PAPPA2: variants seen among roughly 807,000 people sequenced by gnomAD.
PAPPA2 encodes the protein pappalysin-2.
In PAPPA2, 86 loss-of-function variants were observed where a neutral mutation model predicts 176.4. The observed-to-expected ratio is 0.49, with a 90% CI of 0.41 to 0.58. PAPPA2 has a LOEUF of 0.58. Ranked by LOEUF, PAPPA2 falls within the 20% of genes least tolerant of loss-of-function variation. The pLI is 0.00. For synonymous variants in PAPPA2, 809 were observed against 852.2 expected, an observed-to-expected ratio of 0.95 and a Z score of 0.88; for missense variants, 2,073 against 2,256.9, an observed-to-expected ratio of 0.92 and a Z score of 1.65.
chr1:176,706,740 G>C lies in PAPPA2; in HGVS notation c.3457+290G>C, dbSNP rs540332789. Among the ~76,000 whole-genome samples the C allele has an allele frequency of 1.4e-4, 22 of 152,180 alleles. 1 individual carries two copies. Among genetic ancestry groups the C allele is most frequent in the African/African-American group, 4.8e-4 (20 of 41,516 alleles). On this transcript the variant is annotated intron_variant, in intron 10 of 22. Coordinates refer to ENST00000367662, the MANE Select transcript of PAPPA2 (RefSeq NM_020318.3). Reference sequence around the variant, plus strand: ...GGAAGTACAGCTCTAGAATCTGCGTGGTAAACCATTAGGTTATACTGCTTC... The same window carrying C: ...GGAAGTACAGCTCTAGAATCTGCGTCGTAAACCATTAGGTTATACTGCTTC...
chr1:176,624,284 C>G (rs533212791), intron 3 of PAPPA2, among the ~76,000 whole-genome samples: 1 of 152,276 alleles, frequency 6.6e-6, no homozygotes, highest in South Asian at 2.1e-4. Flanking sequence ...GATGCTCTGC[C>G]TGTTTCTAGC....
intron 7 of PAPPA2, among the ~76,000 whole-genome samples, chr1:176,696,073 A>G (rs1451223298): frequency 1.3e-5 from 2 of 151,784 alleles, no homozygotes; most frequent in Non-Finnish European, 2.9e-5. Flanking sequence ...TGTGCCTAAC[A>G]TGGAGGCCCC....
chr1:176,696,104 A>G (rs1392685530), intron 7 of PAPPA2, among the ~76,000 whole-genome samples: 1 of 151,852 alleles, frequency 6.6e-6, no homozygotes, highest in African/African-American at 2.4e-5. Flanking sequence ...TAAAGCAGAG[A>G]CCAGCATATA....
At chr1:176,658,479 A>T (rs1658146287) in intron 3 of PAPPA2, among the ~76,000 whole-genome samples, 1 of 152,030 alleles carries the variant, frequency 6.6e-6, no homozygotes, top group Non-Finnish European at 1.5e-5. Context: ...GCAGGCCTAA[A>T]TATTATTGTT....
intron 1 of PAPPA2, among the ~76,000 whole-genome samples, chr1:176,501,832 C>T (rs1647978234): frequency 6.6e-6 from 1 of 152,140 alleles, no homozygotes; most frequent in East Asian, 1.9e-4. Context: ...GCTTCCATCA[C>T]AGCGAGTCAC....
chr1:176,772,597 A>AGG (rs1245313720), intron 17 of PAPPA2, among the ~76,000 whole-genome samples: 10 of 152,182 alleles, frequency 6.6e-5, no homozygotes, highest in African/African-American at 2.2e-4. Context: ...TGCCCTTTCC[A>AGG]CCAGAGGGAA....
chr1:176,816,774 C>T (rs1273243924), intron 21 of PAPPA2, among the ~76,000 whole-genome samples: 1 of 152,110 alleles, frequency 6.6e-6, no homozygotes, highest in Non-Finnish European at 1.5e-5. Flanking sequence ...CTAACTACTT[C>T]CTTCAACAGA....
rs565089803 is a variant in PAPPA2 at position 176,824,275 on chromosome 1, T to C, written c.5203-15898T>C. ...ATTTGTATGTGTTTTTGTTGCTGTA[T>C]CTATTTTGAATGTCTGGTTAACCAG... is the stretch of plus-strand genomic sequence containing the variant. On this transcript the variant is annotated intron_variant, in intron 21 of 22. Coordinates refer to ENST00000367662, the MANE Select transcript of PAPPA2 (RefSeq NM_020318.3). Among the ~76,000 whole-genome samples, 3 of 152,340 alleles carry C rather than the reference T, an allele frequency of 2.0e-5. No individual in the cohort carries two copies. In the South Asian group the frequency reaches 6.2e-4, roughly 32 times the overall value.
chr1:176,551,460 G>A (rs1465855701), intron 1 of PAPPA2, among the ~76,000 whole-genome samples: 1 of 152,178 alleles, frequency 6.6e-6, no homozygotes, highest in East Asian at 1.9e-4. Context: ...GAAAGTCAAA[G>A]AGGATCAGTG....
Position 176,699,594 on chromosome 1 carries a change from G to A in PAPPA2, c.3236+5G>A, listed in dbSNP as rs1376830989. 6.3e-7 allele frequency: 1 copy of A among 1,593,880 alleles called. No individual in the cohort carries two copies. The highest frequency in any genetic ancestry group is 8.6e-7 in the Non-Finnish European group (1 of 1,165,932). The stretch of plus-strand genomic sequence containing the variant: ...TCACAGGAAGTTCACGGACGTGTGA[G>A]TTTGGTAGCATGACTATGGGGCTTC... On this transcript the variant is annotated splice_donor_5th_base_variant and intron_variant, in intron 8 of 22. Coordinates refer to ENST00000367662, the MANE Select transcript of PAPPA2 (RefSeq NM_020318.3).
intron 3 of PAPPA2, among the ~76,000 whole-genome samples, chr1:176,670,330 G>A (rs959106179): frequency 6.6e-6 from 1 of 152,086 alleles, no homozygotes; most frequent in Admixed American, 6.5e-5. Context: ...AACATACTAG[G>A]TATCATAAAG....
intron 3 of PAPPA2, among the ~76,000 whole-genome samples, chr1:176,651,700 C>T (rs1402631275): frequency 2.6e-5 from 4 of 151,480 alleles, no homozygotes; most frequent in Non-Finnish European, 5.9e-5. Context: ...AGAAAGTTTT[C>T]TGTCATTATT....
Position 176,730,599 on chromosome 1 carries a change from G to GTT in PAPPA2, c.3799-9018_3799-9017dup, listed in dbSNP as rs58801431. ...CGTTTTGTTCTCGTTTTTGTTTTTT[G>GTT]TTTTTTTTTTGTATTTCGTTGATTT... On this transcript the variant is annotated intron_variant, in intron 12 of 22. Transcript: ENST00000367662. 4.4e-3 allele frequency among the ~76,000 whole-genome samples: 635 copies of GTT among 142,916 alleles called. 3 individuals are homozygous for GTT. The highest frequency in any genetic ancestry group is 0.015 in the African/African-American group (573 of 39,370). The allele number at this position is 142,916 out of a possible 152,430, so 93.8% of individuals were successfully genotyped here. A position where few individuals can be genotyped will look rare whatever the true frequency, so the allele number is the denominator to read the frequency against.
chr1:176,556,931 G>A lies in PAPPA2; in HGVS notation c.609G>A (p.Lys203=). ...AKSRQRRQVW[K]RRAEDGQGDS... The stretch of plus-strand genomic sequence containing the variant: ...CCAGGCAGCGTCGCCAAGTGTGGAA[G>A]AGGCGGGCGGAAGATGGGCAGGGAG... The change falls in exon 2 of 23, where the codon AAG becomes AAA. Residue 203 remains lysine (K), a synonymous_variant. Coordinates refer to ENST00000367662, the MANE Select transcript of PAPPA2 (RefSeq NM_020318.3). The A allele has an allele frequency of 6.2e-7, 1 of 1,614,108 alleles. No individual in the cohort carries two copies. The highest frequency in any genetic ancestry group is 8.5e-7 in the Non-Finnish European group (1 of 1,180,018).
At chr1:176,715,810 A>G (rs1226173196) in intron 12 of PAPPA2, among the ~76,000 whole-genome samples, 2 of 152,144 alleles carry the variant, frequency 1.3e-5, no homozygotes, top group Non-Finnish European at 2.9e-5. Context: ...TGCTTGACTC[A>G]AACCCTACAA....
intron 1 of PAPPA2, among the ~76,000 whole-genome samples, chr1:176,518,429 G>A (rs976036058): frequency 1.4e-5 from 2 of 147,586 alleles, no homozygotes; most frequent in African/African-American, 2.5e-5. Context: ...GGAGTTACCT[G>A]TAATTGTGGA....
At chr1:176,514,340 C>T (rs776641351) in intron 1 of PAPPA2, among the ~76,000 whole-genome samples, 1 of 152,160 alleles carries the variant, frequency 6.6e-6, no homozygotes, top group Non-Finnish European at 1.5e-5. Context: ...AGGGAACCCA[C>T]TAGTTACCAT....
chr1:176,474,145 TA>T (rs1403679305), intron 1 of PAPPA2, among the ~76,000 whole-genome samples: 1 of 152,228 alleles, frequency 6.6e-6, no homozygotes, highest in African/African-American at 2.4e-5. Context: ...TGTCTAGTAG[TA>T]AGAATAGGTC....
chr1:176,779,476 T>TCACACACA (rs376976102), intron 17 of PAPPA2, among the ~76,000 whole-genome samples: 1,342 of 126,882 alleles, frequency 0.011, 13 homozygotes, highest in African/African-American at 0.026. Flanking sequence ...TCCATACTCA[T>TCACACACA]CACACACACA....
Sources: gnomAD v4.1 joint callset for allele counts (sites outside exome capture counted in the v4.1 genomes callset) on GRCh38, gnomAD v4.1.1 for gene constraint, MANE v1.5 for transcripts, NCBI Gene and HGNC (gene_info 2026-07-23, HGNC 2026-07-21) for gene names.